Variants in TRAPPC9 observed in about 807,000 individuals in gnomAD.
TRAPPC9 encodes trafficking protein particle complex subunit 9.
TRAPPC9 carries 83 observed loss-of-function variants against 124.0 expected under a neutral mutation model. The ratio of observed to expected loss-of-function variants is 0.67; its 90% CI spans 0.56 to 0.80. TRAPPC9 has a LOEUF of 0.80. TRAPPC9 is among the 30% of genes least tolerant of loss of function. The probability of loss-of-function intolerance (pLI) is 0.00; values close to 1 mark genes in which losing one functional copy is unlikely to be tolerated. For synonymous variants in TRAPPC9, 638 were observed against 617.5 expected, an observed-to-expected ratio of 1.03 and a Z score of -0.49; for missense variants, 1,302 against 1,508.3, an observed-to-expected ratio of 0.86 and a Z score of 2.27.
rs1223050628 is a variant in TRAPPC9 at position 140,321,154 on chromosome 8, CAG to C, written c.1496-9782_1496-9781del. 2.0e-5 allele frequency among the ~76,000 whole-genome samples: 3 copies of C among 152,224 alleles called. No homozygotes were observed. The East Asian group carries it at 5.8e-4, about 29-fold the overall frequency. ...CCCCGGGAGTGGTGCAGATTCTCAA[CAG>C]GGGAGAACCACTGCCTGCGGCAGAG... On this transcript the variant is annotated intron_variant, in intron 9 of 22. Coordinates refer to ENST00000438773, the MANE Select transcript of TRAPPC9 (RefSeq NM_001160372.4).
At chr8:140,229,062 C>T (rs2063521065) in intron 16 of TRAPPC9, among the ~76,000 whole-genome samples, 1 of 151,752 alleles carries the variant, frequency 6.6e-6, no homozygotes, top group Admixed American at 6.6e-5. Context: ...CATTTTTTGG[C>T]TAAAAACTAA....
At chr8:140,293,409 T>C (rs1244421523) in intron 11 of TRAPPC9, among the ~76,000 whole-genome samples, 1 of 152,028 alleles carries the variant, frequency 6.6e-6, no homozygotes, top group African/African-American at 2.4e-5. Flanking sequence ...TAAAGACACA[T>C]GCACACGTAT....
At chr8:139,988,702 C>T (rs987118826) in intron 19 of TRAPPC9, 24 bp downstream of exon 19, 20 of 1,498,050 alleles carry the variant, frequency 1.3e-5, no homozygotes, top group South Asian at 6.0e-5. Flanking sequence ...CCTGCGGCGG[C>T]GCGAGGGTCT....
At chr8:140,284,570 A>C (rs762873646) in intron 13 of TRAPPC9, among the ~76,000 whole-genome samples, 9 of 152,194 alleles carry the variant, frequency 5.9e-5, no homozygotes, top group Admixed American at 3.3e-4. Context: ...AAAAAAGTCC[A>C]CTGGTTAGAT....
chr8:140,069,233 T>C (rs1369292106), intron 17 of TRAPPC9, among the ~76,000 whole-genome samples: 2 of 152,142 alleles, frequency 1.3e-5, no homozygotes, highest in Admixed American at 1.3e-4. Flanking sequence ...CACCACTGAG[T>C]GTAGCAGTGG....
Position 140,352,476 on chromosome 8 carries a change from G to C in TRAPPC9, c.1495+7574C>G, listed in dbSNP as rs191768233. ...CCTGGGATTCTGTGCTACTTCCGCTGAACGAGGAACTGGCAGCCTAATCTT... is the reference window on the plus strand; with the variant it reads ...CCTGGGATTCTGTGCTACTTCCGCTCAACGAGGAACTGGCAGCCTAATCTT... On this transcript the variant is annotated intron_variant, in intron 9 of 22. Transcript: ENST00000438773. Among the ~76,000 whole-genome samples, 127 of 152,282 alleles carry C rather than the reference G, an allele frequency of 8.3e-4. No individual in the cohort carries two copies. In the Middle Eastern group the frequency reaches 0.037, roughly 45 times the overall value.
At chr8:139,792,321 A>G (rs1253216588) in intron 21 of TRAPPC9, among the ~76,000 whole-genome samples, 2 of 152,176 alleles carry the variant, frequency 1.3e-5, no homozygotes, top group Non-Finnish European at 2.9e-5. Flanking sequence ...GGAAAGAATT[A>G]TCCAGATGGC....
intron 16 of TRAPPC9, among the ~76,000 whole-genome samples, chr8:140,233,774 T>A (rs1395802916): frequency 6.6e-6 from 1 of 151,802 alleles, no homozygotes; most frequent in Non-Finnish European, 1.5e-5. Flanking sequence ...AAAAAACCTT[T>A]TCCTACCCTA....
intron 17 of TRAPPC9, among the ~76,000 whole-genome samples, chr8:140,217,421 C>T (rs973529603): frequency 1.3e-5 from 2 of 152,084 alleles, no homozygotes; most frequent in African/African-American, 2.4e-5. Flanking sequence ...GAACAGGCTG[C>T]GCAATGAGAG....
intron 18 of TRAPPC9, among the ~76,000 whole-genome samples, chr8:139,990,876 G>A (rs568342916): frequency 2.6e-5 from 4 of 152,020 alleles, no homozygotes; most frequent in South Asian, 4.2e-4. Context: ...GGTGAGCCAC[G>A]GCACCCGGCC....
intron 21 of TRAPPC9, among the ~76,000 whole-genome samples, chr8:139,867,123 T>C (rs924330112): frequency 6.6e-6 from 1 of 152,230 alleles, no homozygotes; most frequent in African/African-American, 2.4e-5. Context: ...CATGAGCCAC[T>C]GCACCTGGCC....
intron 9 of TRAPPC9, among the ~76,000 whole-genome samples, chr8:140,319,871 G>A (rs990560952): frequency 6.6e-6 from 1 of 152,114 alleles, no homozygotes; most frequent in Non-Finnish European, 1.5e-5. Context: ...AATGATTTAC[G>A]GCCATTTAAA....
intron 21 of TRAPPC9, among the ~76,000 whole-genome samples, chr8:139,878,688 G>A (rs1829487317): frequency 6.6e-6 from 1 of 152,140 alleles, no homozygotes; most frequent in Non-Finnish European, 1.5e-5. Context: ...TTAGAGGCTG[G>A]GCCTGCTAGC....
chr8:140,037,540 C>G (rs1840973377), intron 17 of TRAPPC9, among the ~76,000 whole-genome samples: 1 of 151,886 alleles, frequency 6.6e-6, no homozygotes, highest in African/African-American at 2.4e-5. Context: ...CATCGGACCC[C>G]TACTGCTCCT....
chr8:140,218,744 G>C (rs2063262857), intron 17 of TRAPPC9, among the ~76,000 whole-genome samples: 1 of 152,106 alleles, frequency 6.6e-6, no homozygotes, highest in South Asian at 2.1e-4. Flanking sequence ...TGGATCACTT[G>C]AGGTCAAGAG....
intron 21 of TRAPPC9, among the ~76,000 whole-genome samples, chr8:139,807,294 A>G (rs1298075161): frequency 6.6e-6 from 1 of 152,192 alleles, no homozygotes; most frequent in East Asian, 1.9e-4. Context: ...CAGGGATCAG[A>G]GACCCAACCC....
At chr8:140,107,709 T>C (rs2060692122) in intron 17 of TRAPPC9, among the ~76,000 whole-genome samples, 1 of 152,194 alleles carries the variant, frequency 6.6e-6, no homozygotes, top group Non-Finnish European at 1.5e-5. Flanking sequence ...ATCATTTCCT[T>C]GTGGCCAGGC....
At chr8:140,440,412 C>T (rs1464463444) in intron 2 of TRAPPC9, among the ~76,000 whole-genome samples, 3 of 152,018 alleles carry the variant, frequency 2.0e-5, no homozygotes, top group African/African-American at 7.2e-5. Context: ...GAGGCTGAGG[C>T]AGGAGAATCA....
At chr8:140,403,586 T>C (rs530960553) in intron 6 of TRAPPC9, among the ~76,000 whole-genome samples, 2 of 152,268 alleles carry the variant, frequency 1.3e-5, no homozygotes, top group South Asian at 4.2e-4. Context: ...CTAGTGTTTG[T>C]TTATGGAGGA....
Sources: gnomAD v4.1 joint callset for allele counts (sites outside exome capture counted in the v4.1 genomes callset) on GRCh38, gnomAD v4.1.1 for gene constraint, MANE v1.5 for transcripts, NCBI Gene and HGNC (gene_info 2026-07-23, HGNC 2026-07-21) for gene names.